The following TTC28 variants were observed in gnomAD, a reference collection of about 807,000 sequenced individuals.
The protein encoded by TTC28 is tetratricopeptide repeat domain 28, also known as tetratricopeptide repeat protein 28.
TTC28 carries 61 observed loss-of-function variants against 198.0 expected under a neutral mutation model. The observed-to-expected ratio is 0.31, with a 90% CI of 0.25 to 0.38. The LOEUF (loss-of-function observed/expected upper bound fraction) is 0.38. Among genes scored for constraint, TTC28 ranks in the 10% least tolerant of loss-of-function variants. The pLI is 1.00. For missense variants in TTC28, 2,678 were observed against 3,164.0 expected (o/e 0.85, Z 3.69); for synonymous variants, 1,171 against 1,297.8 (o/e 0.90, Z 2.10).
At chr22:28,171,635 A>C (rs1922689677) in intron 5 of TTC28, among the ~76,000 whole-genome samples, 1 of 152,054 alleles carries the variant, frequency 6.6e-6, no homozygotes, top group Admixed American at 6.5e-5. Context: ...AAAAAAAAAA[A>C]AAAAGCCCCA....
chr22:28,372,794 G>A (rs1371010452), intron 2 of TTC28, among the ~76,000 whole-genome samples: 1 of 152,076 alleles, frequency 6.6e-6, no homozygotes, highest in Non-Finnish European at 1.5e-5. Context: ...TGCTGTAGGG[G>A]AATAAACACC....
At chr22:28,124,355 T>C (rs1267563407) in intron 6 of TTC28, among the ~76,000 whole-genome samples, 1 of 152,212 alleles carries the variant, frequency 6.6e-6, no homozygotes, top group Non-Finnish European at 1.5e-5. Flanking sequence ...CTCAGATCTA[T>C]AGCTAGATGA....
At position 28,163,198 on chromosome 22, in the gene TTC28, C is replaced by T. The variant is rs1232224853; in HGVS notation, c.1335G>A (p.Arg445=). The change falls in exon 6 of 23, where the codon AGG becomes AGA. Residue 445 remains arginine, a synonymous_variant. Transcript: ENST00000397906. ...RAYAGLGHAA[R]CMQDLERAKQ... ...TAGCTCTCTCCAAATCCTGCATGCA[C>T]CTGGCAGCATGGCCTAGTCCAGCAT... 3.9e-6 allele frequency: 6 copies of T among 1,551,756 alleles called. No individual in the cohort carries two copies. Among genetic ancestry groups the T allele is most frequent in the East Asian group, 2.4e-5 (1 of 40,908 alleles).
intron 2 of TTC28, among the ~76,000 whole-genome samples, chr22:28,607,310 T>G (rs2050751218): frequency 6.6e-6 from 1 of 152,234 alleles, no homozygotes; most frequent in South Asian, 2.1e-4. Flanking sequence ...TAATCTCATT[T>G]GTCATAGGGG....
intron 2 of TTC28, among the ~76,000 whole-genome samples, chr22:28,336,512 G>C (rs113799348): frequency 1.3e-5 from 2 of 151,998 alleles, no homozygotes; most frequent in Admixed American, 6.6e-5. Flanking sequence ...GCCTCAATTT[G>C]AGAGCCTGTT....
chr22:28,467,215 A>T (rs2048034271), intron 2 of TTC28, among the ~76,000 whole-genome samples: 2 of 152,188 alleles, frequency 1.3e-5, no homozygotes, highest in Admixed American at 1.3e-4. Context: ...GAGCCCAGGA[A>T]TTTGAGCCCA....
intron 2 of TTC28, among the ~76,000 whole-genome samples, chr22:28,602,727 G>T (rs2050660130): frequency 6.6e-6 from 1 of 152,062 alleles, no homozygotes; most frequent in Non-Finnish European, 1.5e-5. Flanking sequence ...CTTTGACAAT[G>T]AAGTATAGTA....
rs931488369 is a variant in TTC28, at chr22:28,297,856, A to C, written c.530-4T>G. 1.3e-6 allele frequency: 2 copies of C among 1,550,578 alleles called. No individual in the cohort carries two copies. The highest frequency in any genetic ancestry group is 1.7e-6 in the Non-Finnish European group (2 of 1,146,514). On this transcript the variant is annotated splice_polypyrimidine_tract_variant and splice_region_variant and intron_variant, in intron 3 of 22. Transcript: ENST00000397906. The stretch of plus-strand genomic sequence containing the variant: ...TGATAAGTGGGCTCGAGGGAGTCTG[A>C]AAATAAACAACAATAACAGCAACAT...
rs183599833 is a variant in TTC28 at position 28,047,542 on chromosome 22, G to A, written c.3933-17176C>T. ...GCAAGCCGCAGGGCCCCTCTAAAGC[G>A]CCCACAAAAAGCAAGGTTCCACTCT... On this transcript the variant is annotated intron_variant, in intron 12 of 22. Coordinates refer to ENST00000397906, the MANE Select transcript of TTC28 (RefSeq NM_001145418.2). Among the ~76,000 whole-genome samples the A allele has an allele frequency of 9.8e-4, 149 of 152,238 alleles. 2 individuals carry two copies. Among genetic ancestry groups the A allele is most frequent in the African/African-American group, 3.1e-3 (127 of 41,542 alleles).
chr22:28,394,484 C>T (rs929590018), intron 2 of TTC28, among the ~76,000 whole-genome samples: 2 of 152,220 alleles, frequency 1.3e-5, no homozygotes, highest in Non-Finnish European at 2.9e-5. Flanking sequence ...ATAAGGAGTA[C>T]TTCCCTGCTA....
chr22:28,215,228 A>G (rs989762821), intron 5 of TTC28, among the ~76,000 whole-genome samples: 2 of 152,184 alleles, frequency 1.3e-5, no homozygotes, highest in Non-Finnish European at 2.9e-5. Flanking sequence ...ACATGTGTAC[A>G]TATGTAACAA....
chr22:28,210,895 G>A (rs1043176125), intron 5 of TTC28, among the ~76,000 whole-genome samples: 72 of 152,070 alleles, frequency 4.7e-4, no homozygotes, highest in African/African-American at 1.7e-3. Context: ...GAGAAAGGTC[G>A]GGTTATCCAC....
At chr22:28,472,556 G>A (rs1053442097) in intron 2 of TTC28, among the ~76,000 whole-genome samples, 15 of 126,326 alleles carry the variant, frequency 1.2e-4, no homozygotes, top group Non-Finnish European at 2.2e-4. Flanking sequence ...ATGTGTATGT[G>A]TGTGTGTGTG....
chr22:28,001,466 G>A lies in TTC28; in HGVS notation c.4306C>T (p.Leu1436Phe), dbSNP rs1428466366. 8.4e-6 allele frequency: 13 copies of A among 1,551,518 alleles called. No individual in the cohort carries two copies. The highest frequency in any genetic ancestry group is 1.1e-5 in the Non-Finnish European group (13 of 1,147,006). ...TCATTGGAGGAGCTTCCCTTCAGGA[G>A]GGCGAAAGGAATGAGGTAGAGCTCC... ...EGELYLIPFA[L>F]LKGSSSNEYL... The change falls in exon 15 of 23, where the codon CTC (leucine) becomes TTC (phenylalanine). Residue 1436 changes from leucine to phenylalanine, a missense_variant. Leu to Phe is a conservative substitution (Grantham distance 22, BLOSUM62 0). This residue lies in a region of TTC28 where 727 missense variants were observed against 861.9 expected (regional missense o/e 0.84). Transcript: ENST00000397906.
chr22:28,020,292 ATCT>A (rs1402999051), intron 13 of TTC28, among the ~76,000 whole-genome samples: 6 of 152,212 alleles, frequency 3.9e-5, no homozygotes, highest in African/African-American at 9.6e-5. Context: ...TCAGCAGAGG[ATCT>A]TCTCACCTCA....
In TTC28 at chr22:27,982,867, C is replaced by A. The variant is rs1231323233; in HGVS notation, c.6800G>T (p.Ser2267Ile). The stretch of plus-strand genomic sequence containing the variant: ...GTCGCAGCCGGGCGATGGCCGGCCA[C>A]TGTGCTGGCTCGGGCTGTCTTTGAT... ...MSIKDSPSQHSGRPSPGCDSQ... is the reference protein window; with the variant it reads ...MSIKDSPSQHIGRPSPGCDSQ... Residue 2267 changes from serine to isoleucine, a missense_variant, in exon 23 of 23, where the codon AGT (serine) becomes ATT (isoleucine). This residue lies in a region of TTC28 where 622 missense variants were observed against 656.0 expected (regional missense o/e 0.95). Coordinates refer to ENST00000397906, the MANE Select transcript of TTC28 (RefSeq NM_001145418.2). The surrounding 1 kb of genome is among the most constrained non-coding windows in gnomAD (Gnocchi z 5.2). 6.5e-6 allele frequency: 10 copies of A among 1,547,794 alleles called. No individual in the cohort carries two copies. The highest frequency in any genetic ancestry group is 7.9e-6 in the Non-Finnish European group (9 of 1,144,274).
At chr22:28,372,145 A>C (rs1041276878) in intron 2 of TTC28, among the ~76,000 whole-genome samples, 1 of 152,102 alleles carries the variant, frequency 6.6e-6, no homozygotes, top group African/African-American at 2.4e-5. Flanking sequence ...ACCTTCAACA[A>C]TGACAGATGA....
chr22:28,041,035 C>T lies in TTC28; in HGVS notation c.3933-10669G>A, dbSNP rs556860892. Among the ~76,000 whole-genome samples the T allele has an allele frequency of 1.4e-4, 21 of 152,132 alleles. 1 individual carries two copies. Among genetic ancestry groups the T allele is most frequent in the African/African-American group, 3.4e-4 (14 of 41,514 alleles). ...AAATCCAACCTACAAGGGATGTGAA[C>T]GACCTCTTCAAGGAAAACTACAAAC... On this transcript the variant is annotated intron_variant, in intron 12 of 22. Coordinates refer to ENST00000397906, the MANE Select transcript of TTC28 (RefSeq NM_001145418.2).
intron 2 of TTC28, among the ~76,000 whole-genome samples, chr22:28,386,826 T>C (rs1005024282): frequency 6.6e-6 from 1 of 150,848 alleles, no homozygotes; most frequent in Non-Finnish European, 1.5e-5. Context: ...TTTTTTGTTT[T>C]TTTGTTTTGT....
Sources: allele counts gnomAD v4.1 joint callset (sites outside exome capture counted in the v4.1 genomes callset), GRCh38; gene constraint gnomAD v4.1.1; regional missense constraint gnomAD v4.1.1; non-coding constraint Gnocchi (gnomAD v3.1); transcripts MANE v1.5; gene names NCBI Gene and HGNC (gene_info 2026-07-23, HGNC 2026-07-21).